SLC13A1: variants seen among roughly 807,000 people sequenced by gnomAD.
The protein encoded by SLC13A1 is Na(+)/sulfate cotransporter.
SLC13A1 carries 65 observed loss-of-function variants against 70.0 expected under a neutral mutation model. The observed-to-expected ratio is 0.93, with a 90% CI of 0.76 to 1.14. The LOEUF (loss-of-function observed/expected upper bound fraction) is 1.14, where lower values mean the gene tolerates loss of function less well. Among genes scored for constraint, SLC13A1 ranks in the 50% most tolerant of loss-of-function variants. The pLI, the probability that SLC13A1 is intolerant of heterozygous loss-of-function variation, is 0.00. For missense variants in SLC13A1, 726 were observed against 717.8 expected, an observed-to-expected ratio of 1.01 and a Z score of -0.13; for synonymous variants, 275 against 250.5, an observed-to-expected ratio of 1.10 and a Z score of -0.92.
intron 6 of SLC13A1, among the ~76,000 whole-genome samples, chr7:123,167,089 G>A (rs1052694717): frequency 6.6e-6 from 1 of 152,204 alleles, no homozygotes; most frequent in Admixed American, 6.5e-5. Flanking sequence ...CTTTTACACT[G>A]TTGGTGGGAC....
chr7:123,133,373 A>G (rs1793832383), intron 8 of SLC13A1, among the ~76,000 whole-genome samples: 1 of 152,126 alleles, frequency 6.6e-6, no homozygotes, highest in African/African-American at 2.4e-5. Flanking sequence ...AAGTAGCTTG[A>G]TAACCCAAGG....
At chr7:123,152,699 G>A (rs1030281462) in intron 6 of SLC13A1, among the ~76,000 whole-genome samples, 3 of 151,978 alleles carry the variant, frequency 2.0e-5, no homozygotes, top group Admixed American at 6.6e-5. Context: ...TAACTTTAAG[G>A]TCAGCCCACA....
At chr7:123,194,458 G>A (rs1387449095) in intron 1 of SLC13A1, among the ~76,000 whole-genome samples, 2 of 152,062 alleles carry the variant, frequency 1.3e-5, no homozygotes, top group African/African-American at 4.8e-5. Context: ...ATATCCATCA[G>A]CAAAACCATC....
intron 1 of SLC13A1, chr7:123,186,771 G>T (rs780383313): frequency 2.2e-6 from 1 of 454,824 alleles, no homozygotes; most frequent in South Asian, 1.6e-5. Context: ...ACAAGTAAAC[G>T]TTTTAATCAC....
chr7:123,147,376 T>C (rs920574613), intron 6 of SLC13A1, 66 bp from the exon 7 acceptor site: 10 of 1,542,040 alleles, frequency 6.5e-6, no homozygotes, highest in Non-Finnish European at 8.8e-6. Context: ...TGAATATTTG[T>C]GTCCCACCAC....
intron 1 of SLC13A1, among the ~76,000 whole-genome samples, chr7:123,191,670 A>C (rs1362676867): frequency 1.3e-5 from 2 of 152,212 alleles, no homozygotes; most frequent in Non-Finnish European, 1.5e-5. Context: ...ATGAATGCTT[A>C]TAATGTGCCA....
At chr7:123,169,500 A>G (rs937601537) in intron 3 of SLC13A1, among the ~76,000 whole-genome samples, 165 bp from the exon 4 acceptor site, 3 of 152,228 alleles carry the variant, frequency 2.0e-5, no homozygotes, top group Non-Finnish European at 4.4e-5. Flanking sequence ...GAGTACCGTG[A>G]CAGCCAGGTA....
intron 6 of SLC13A1, among the ~76,000 whole-genome samples, chr7:123,165,316 A>G (rs1795033463): frequency 6.6e-6 from 1 of 152,150 alleles, no homozygotes; most frequent in Non-Finnish European, 1.5e-5. Flanking sequence ...TTCTGGAAAG[A>G]CCATAGAATC....
At chr7:123,181,707 G>C (rs956243684) in intron 1 of SLC13A1, among the ~76,000 whole-genome samples, 2 of 152,108 alleles carry the variant, frequency 1.3e-5, no homozygotes, top group African/African-American at 4.8e-5. Flanking sequence ...TAAAACTATA[G>C]GTTCATGTTT....
chr7:123,184,470 C>T (rs1795735972), intron 1 of SLC13A1, among the ~76,000 whole-genome samples: 1 of 152,100 alleles, frequency 6.6e-6, no homozygotes, highest in Non-Finnish European at 1.5e-5. Flanking sequence ...TCTATGAGAT[C>T]AACTTTTTTA....
chr7:123,199,874 G>A lies in SLC13A1; in HGVS notation c.73C>T (p.Pro25Ser). 7 of 1,612,644 alleles carry A rather than the reference G, an allele frequency of 4.3e-6. No individual in the cohort carries two copies. Among genetic ancestry groups the A allele is most frequent in the Non-Finnish European group, 5.9e-6 (7 of 1,179,004 alleles). Residue 25 changes from proline (P) to serine (S), a missense_variant, in exon 1 of 15, where the codon CCT (proline) becomes TCT (serine). Physicochemically the swap from Pro to Ser is moderately conservative, Grantham distance 74. Coordinates refer to ENST00000194130, the MANE Select transcript of SLC13A1 (RefSeq NM_022444.4). ...FVVFTVLVLL[P>S]LPIVLHTKEA... The stretch of plus-strand genomic sequence containing the variant: ...TTGGTGTGGAGGACGATGGGCAGAG[G>A]TAGTAAAACCAACACAGTGAAAACC...
chr7:123,125,495 C>T (rs1316243562), intron 11 of SLC13A1, 74 bp downstream of exon 11: 3 of 1,082,828 alleles, frequency 2.8e-6, no homozygotes, highest in Non-Finnish European at 4.2e-6. Context: ...CTCTAGGTGC[C>T]AAGCGAAACC....
At chr7:123,144,670 G>A (rs1314814336) in intron 7 of SLC13A1, among the ~76,000 whole-genome samples, 1 of 152,070 alleles carries the variant, frequency 6.6e-6, no homozygotes, top group Non-Finnish European at 1.5e-5. Context: ...TGTTTTCTTG[G>A]CACTTTAAAA....
intron 6 of SLC13A1, among the ~76,000 whole-genome samples, chr7:123,168,054 A>C (rs1795131979): frequency 6.6e-6 from 1 of 152,266 alleles, no homozygotes; most frequent in African/African-American, 2.4e-5. Flanking sequence ...AATAAAAGTT[A>C]AAAAAAGAAA....
chr7:123,199,843 C>A lies in SLC13A1; in HGVS notation c.99+5G>T, dbSNP rs758983898. The stretch of plus-strand genomic sequence containing the variant: ...TCCACCAGTCTGTTCTCCAGGTTCA[C>A]TCACCTTGGTGTGGAGGACGATGGG... On this transcript the variant is annotated splice_donor_5th_base_variant and intron_variant, in intron 1 of 14. Transcript: ENST00000194130. 3.1e-6 allele frequency: 5 copies of A among 1,602,654 alleles called. No homozygotes were observed. The highest frequency in any genetic ancestry group is 4.3e-6 in the Non-Finnish European group (5 of 1,170,482).
At chr7:123,135,709 T>C (rs1180610453) in intron 7 of SLC13A1, among the ~76,000 whole-genome samples, 1 of 152,138 alleles carries the variant, frequency 6.6e-6, no homozygotes, top group Admixed American at 6.6e-5. Flanking sequence ...TAATGGGCCC[T>C]CAAAACTCTA....
intron 7 of SLC13A1, among the ~76,000 whole-genome samples, chr7:123,137,876 G>T (rs1273590987): frequency 1.3e-5 from 2 of 151,940 alleles, no homozygotes; most frequent in African/African-American, 2.4e-5. Flanking sequence ...ATAGAAATGG[G>T]GTTATCCATC....
At chr7:123,192,317 AG>A (rs1286166264) in intron 1 of SLC13A1, among the ~76,000 whole-genome samples, 1 of 152,174 alleles carries the variant, frequency 6.6e-6, no homozygotes, top group Non-Finnish European at 1.5e-5. Context: ...AGGCAAAGAA[AG>A]CTATGACTAG....
chr7:123,115,471 A>C lies in SLC13A1; in HGVS notation c.*47T>G. The C allele has an allele frequency of 1.9e-6, 3 of 1,582,106 alleles. No homozygotes were observed. The highest frequency in any genetic ancestry group is 2.6e-6 in the Non-Finnish European group (3 of 1,155,510). On this transcript the variant is annotated 3_prime_UTR_variant, in exon 15 of 15. Coordinates refer to ENST00000194130, the MANE Select transcript of SLC13A1 (RefSeq NM_022444.4). ...GAGCCACATTTTACAGTCAATCATTAATGTCTTCCAGAAATTACCGCAAGA... is the reference window on the plus strand; with the variant it reads ...GAGCCACATTTTACAGTCAATCATTCATGTCTTCCAGAAATTACCGCAAGA...
Sources: gnomAD v4.1 joint callset for allele counts (sites outside exome capture counted in the v4.1 genomes callset) on GRCh38, gnomAD v4.1.1 for gene constraint, MANE v1.5 for transcripts, NCBI Gene and HGNC (gene_info 2026-07-23, HGNC 2026-07-21) for gene names.